The following FURIN variants were observed in gnomAD, a reference collection of about 807,000 sequenced individuals.
FURIN encodes FES upstream region.
FURIN carries 18 observed loss-of-function variants against 89.2 expected under a neutral mutation model. That is an observed-to-expected ratio of 0.20 (90% CI 0.14 to 0.30). The LOEUF (loss-of-function observed/expected upper bound fraction) is 0.30. Ranked by LOEUF, FURIN falls within the 10% of genes least tolerant of loss-of-function variation. FURIN has a pLI of 1.00. For synonymous variants in FURIN, 508 were observed against 466.4 expected (o/e 1.09, Z -1.15); for missense variants, 879 against 1,100.5 (o/e 0.80, Z 2.85).
At chr15:90,880,313 G>T (rs6224) in intron 13 of FURIN, 40 bp downstream of exon 13, 702,973 of 1,509,520 alleles carry the variant, frequency 0.47, 172,169 homozygotes, top group African/African-American at 0.82. Flanking sequence ...CAGCGCCGCC[G>T]CCTCTCACAG....
chr15:90,879,409 C>T (rs777028398), intron 9 of FURIN, 35 bp from the exon 10 acceptor site: 3 of 1,457,992 alleles, frequency 2.1e-6, no homozygotes, highest in African/African-American at 2.8e-5. Context: ...CCCCTCCACC[C>T]ATCACAGGCC....
In FURIN at chr15:90,875,766, GGGT is replaced by G; in HGVS notation, c.30_32del (p.Val11del). The G allele has an allele frequency of 6.4e-7, 1 of 1,553,454 alleles. No individual in the cohort carries two copies. On this transcript the variant is annotated inframe_deletion, in exon 2 of 16. Coordinates refer to ENST00000268171, the MANE Select transcript of FURIN (RefSeq NM_002569.4). ...ATGGAGCTGAGGCCCTGGTTGCTAT[GGGT>G]GGTAGCAGCAACAGGAACCTTGGTC...
At chr15:90,879,642 TC>T in intron 10 of FURIN, 28 bp from the exon 11 acceptor site, 1 of 1,595,170 alleles carries the variant, frequency 6.3e-7, no homozygotes, top group Non-Finnish European at 8.6e-7. Context: ...AAAAGACTGA[TC>T]CCCAGCCTCT....
Position 90,880,950 on chromosome 15 carries a change from C to T in FURIN, c.1702C>T (p.Leu568Phe), listed in dbSNP as rs2031928438. 1 of 1,614,008 alleles carries T rather than the reference C, an allele frequency of 6.2e-7. No individual in the cohort carries two copies. Among genetic ancestry groups the T allele is most frequent in the Non-Finnish European group, 8.5e-7 (1 of 1,179,896 alleles). ...AACAGGGACGCTGACCAAGTTCACC[C>T]TCGTACTCTATGGCACCGCCCCTGA... is the stretch of plus-strand genomic sequence containing the variant. ...NNYGTLTKFTLVLYGTAPEGL... is the reference protein window; with the variant it reads ...NNYGTLTKFTFVLYGTAPEGL... Residue 568 changes from leucine (L) to phenylalanine (F), a missense_variant, in exon 15 of 16, where the codon CTC becomes TTC. Physicochemically the swap from Leu to Phe is conservative, Grantham distance 22. Around this residue, in one of 5 missense-constraint regions of FURIN, gnomAD observed 457 missense variants for 490.7 expected, o/e 0.93. Transcript: ENST00000268171.
At position 90,877,141 on chromosome 15, in the gene FURIN, G is replaced by A. The variant is rs1319131949; in HGVS notation, c.508G>A (p.Gly170Arg). ...HPDLAGNYDP[G>R]ASFDVNDQDP... is the part of the protein sequence containing the mutation. ...GTGGCCAAATCCTTCTTAGGATCCTGGGGCCAGTTTTGATGTCAATGACCA... is the reference window on the plus strand; with the variant it reads ...GTGGCCAAATCCTTCTTAGGATCCTAGGGCCAGTTTTGATGTCAATGACCA... The change falls in exon 6 of 16, where the codon GGG becomes AGG. Residue 170 changes from glycine to arginine, a missense_variant. Gly to Arg is a moderately radical substitution (Grantham distance 125). This residue lies in a region of FURIN where 139 missense variants were observed against 215.0 expected (regional missense o/e 0.65). Coordinates refer to ENST00000268171, the MANE Select transcript of FURIN (RefSeq NM_002569.4). 5 of 1,611,288 alleles carry A rather than the reference G, an allele frequency of 3.1e-6. No homozygotes were observed. Among genetic ancestry groups the A allele is most frequent in the East Asian group, 2.2e-5 (1 of 44,854 alleles).
At chr15:90,870,960 A>T (rs906906382) in intron 1 of FURIN, among the ~76,000 whole-genome samples, 2 of 152,110 alleles carry the variant, frequency 1.3e-5, no homozygotes, top group African/African-American at 2.4e-5. Context: ...GTCTAAAAAG[A>T]AAAAAAAGCT....
chr15:90,875,224 G>A (rs1028719439), intron 1 of FURIN, among the ~76,000 whole-genome samples: 5 of 151,950 alleles, frequency 3.3e-5, no homozygotes, highest in African/African-American at 4.8e-5. Context: ...TAGTAGAGAC[G>A]AGGTTGCACC....
At position 90,875,854 on chromosome 15, in the gene FURIN, C is replaced by T. The variant is rs1322906441; in HGVS notation, c.114C>T (p.Ile38=). The T allele has an allele frequency of 6.3e-7, 1 of 1,583,310 alleles. No homozygotes were observed. The highest frequency in any genetic ancestry group is 1.2e-5 in the South Asian group (1 of 86,208). Residue 38 remains isoleucine, a synonymous_variant, in exon 2 of 16, where the codon ATC becomes ATT. Transcript: ENST00000268171. ...TCACCAACACGTGGGCTGTGCGCAT[C>T]CCTGGAGGCCCAGCGGTGGCCAACA... is the stretch of plus-strand genomic sequence containing the variant. The part of the protein sequence containing the change: ...KVFTNTWAVR[I]PGGPAVANSV...
Position 90,880,201 on chromosome 15 carries a change from A to G in FURIN, c.1484A>G (p.Tyr495Cys), listed in dbSNP as rs2031878332. Residue 495 changes from tyrosine (Y) to cysteine (C), a missense_variant, in exon 13 of 16, where the codon TAT (tyrosine) becomes TGT (cysteine). By Grantham distance (194) the Tyr-to-Cys change is radical. This residue lies in a region of FURIN where 457 missense variants were observed against 490.7 expected (regional missense o/e 0.93). Coordinates refer to ENST00000268171, the MANE Select transcript of FURIN (RefSeq NM_002569.4). ...EHAQARLTLS[Y>C]NRRGDLAIHL... ...GCTCAGGCGCGGCTCACCCTGTCCTATAATCGCCGTGGCGACCTGGCCATC... is the reference window on the plus strand; with the variant it reads ...GCTCAGGCGCGGCTCACCCTGTCCTGTAATCGCCGTGGCGACCTGGCCATC... 3.7e-6 allele frequency: 6 copies of G among 1,612,748 alleles called. No individual in the cohort carries two copies. Among genetic ancestry groups the G allele is most frequent in the African/African-American group, 2.7e-5 (2 of 75,056 alleles).
Position 90,875,801 on chromosome 15 carries a change from G to A in FURIN, c.61G>A (p.Ala21Thr). Residue 21 changes from alanine to threonine, a missense_variant, in exon 2 of 16, where the codon GCA (alanine) becomes ACA (threonine). By Grantham distance (58) the Ala-to-Thr change is moderately conservative. Around this residue, in one of 5 missense-constraint regions of FURIN, gnomAD observed 125 missense variants for 125.0 expected, o/e 1.00. Coordinates refer to ENST00000268171, the MANE Select transcript of FURIN (RefSeq NM_002569.4). Reference protein sequence around the residue: ...VAATGTLVLLAADAQGQKVFT... With the variant: ...VAATGTLVLLTADAQGQKVFT... ...AGCAACAGGAACCTTGGTCCTGCTA[G>A]CAGCTGATGCTCAGGGCCAGAAGGT... is the stretch of plus-strand genomic sequence containing the variant. 1 of 1,561,018 alleles carries A rather than the reference G, an allele frequency of 6.4e-7. No homozygotes were observed. The highest frequency in any genetic ancestry group is 8.7e-7 in the Non-Finnish European group (1 of 1,151,662).
intron 13 of FURIN, among the ~76,000 whole-genome samples, 157 bp from the exon 14 acceptor site, chr15:90,880,534 T>C (rs1246340122): frequency 6.6e-6 from 1 of 152,142 alleles, no homozygotes; most frequent in Non-Finnish European, 1.5e-5. Flanking sequence ...GTTGAGCACG[T>C]CTGGCTCACT....
chr15:90,878,313 G>A lies in FURIN; in HGVS notation c.840+9G>A. The A allele has an allele frequency of 6.3e-7, 1 of 1,582,590 alleles. No individual in the cohort carries two copies. The highest frequency in any genetic ancestry group is 2.2e-5 in the East Asian group (1 of 44,476). ...TCCGTGGGGTTAGCCAGGTGAGGTGGGGATCTGTCCAGCCCCTGCGGGCAG... is the reference window on the plus strand; with the variant it reads ...TCCGTGGGGTTAGCCAGGTGAGGTGAGGATCTGTCCAGCCCCTGCGGGCAG... On this transcript the variant is annotated intron_variant, in intron 8 of 15. Coordinates refer to ENST00000268171, the MANE Select transcript of FURIN (RefSeq NM_002569.4).
chr15:90,876,506 G>T lies in FURIN; in HGVS notation c.321G>T (p.Arg107=). 1 of 1,614,034 alleles carries T rather than the reference G, an allele frequency of 6.2e-7. No individual in the cohort carries two copies. The highest frequency in any genetic ancestry group is 1.7e-4 in the Middle Eastern group (1 of 6,060). The change falls in exon 4 of 16, where the codon CGG becomes CGT. Residue 107 remains arginine, a synonymous_variant. Transcript: ENST00000268171. This position sits in a 1 kb window ranked among gnomAD's most constrained non-coding sequence, Gnocchi z 5.0. ...EQQVAKRRTK[R]DVYQEPTDPK... is the part of the protein sequence containing the mutation. ...AGGTGGCAAAGCGACGGACTAAACGGGACGTGTACCAGGAGCCCACAGACC... is the reference window on the plus strand; with the variant it reads ...AGGTGGCAAAGCGACGGACTAAACGTGACGTGTACCAGGAGCCCACAGACC...
At chr15:90,870,178 T>C (rs544142336) in intron 1 of FURIN, among the ~76,000 whole-genome samples, 5 of 152,218 alleles carry the variant, frequency 3.3e-5, no homozygotes, top group African/African-American at 4.8e-5. Flanking sequence ...GAGGGGTAAA[T>C]TGAGGAAGTC....
In FURIN at chr15:90,877,501, TCATGCTA is replaced by T. The variant is rs1164890833; in HGVS notation, c.579-24_579-18del. The T allele has an allele frequency of 1.9e-5, 30 of 1,543,416 alleles. No individual in the cohort carries two copies. The Middle Eastern group carries it at 6.7e-4, about 35-fold the overall frequency. ...GCCCTGTTCACCCCATTTGTTCTAC[TCATGCTA>T]CGTGCTTGGCCCTGGCAGGCACGGC... is the stretch of plus-strand genomic sequence containing the variant. On this transcript the variant is annotated intron_variant, in intron 6 of 15. Coordinates refer to ENST00000268171, the MANE Select transcript of FURIN (RefSeq NM_002569.4).
intron 13 of FURIN, 119 bp from the exon 14 acceptor site, chr15:90,880,572 C>T (rs2031903829): frequency 7.9e-6 from 9 of 1,137,288 alleles, no homozygotes; most frequent in Admixed American, 2.6e-5. Context: ...GCAGGCACTT[C>T]TGGCCCCATG....
rs1380960843 is a variant in FURIN at position 90,879,846 on chromosome 15, C to T, written c.1259-21C>T. Reference sequence around the variant, plus strand: ...GGCACTCTGTGCCTGACAGCTGACCCTACCTTCCCTGTCCCCACAGTGAGC... The same window carrying T: ...GGCACTCTGTGCCTGACAGCTGACCTTACCTTCCCTGTCCCCACAGTGAGC... On this transcript the variant is annotated intron_variant, in intron 11 of 15. Transcript: ENST00000268171. 8 of 1,609,724 alleles carry T rather than the reference C, an allele frequency of 5.0e-6. No homozygotes were observed. The Admixed American group carries it at 1.0e-4, about 20-fold the overall frequency.
intron 1 of FURIN, among the ~76,000 whole-genome samples, chr15:90,875,025 T>G (rs1203074511): frequency 2.0e-5 from 3 of 147,824 alleles, no homozygotes; most frequent in Admixed American, 6.8e-5. Flanking sequence ...CTTCTTCTGT[T>G]ACACTTTTTT....
chr15:90,881,605 G>A lies in FURIN; in HGVS notation c.2112G>A (p.Leu704=), dbSNP rs2031978894. 2.5e-6 allele frequency: 4 copies of A among 1,603,608 alleles called. No individual in the cohort carries two copies. The African/African-American group carries it at 4.0e-5, about 16-fold the overall frequency. The change falls in exon 16 of 16, where the codon CTG becomes CTA. Residue 704 remains leucine (L), a synonymous_variant. Transcript: ENST00000268171. This position sits in a 1 kb window ranked among gnomAD's most constrained non-coding sequence, Gnocchi z 4.3. ...CGGAGGTGGAGGCGGGGCAACGGCT[G>A]CGGGCAGGGCTGCTGCCCTCACACC... ...LPPEVEAGQR[L]RAGLLPSHLP... is the part of the protein sequence containing the mutation.
Sources: gnomAD v4.1 joint callset for allele counts (sites outside exome capture counted in the v4.1 genomes callset) on GRCh38, gnomAD v4.1.1 for gene constraint, gnomAD v4.1.1 regional missense constraint, Gnocchi (gnomAD v3.1) non-coding constraint, MANE v1.5 for transcripts, NCBI Gene and HGNC (gene_info 2026-07-23, HGNC 2026-07-21) for gene names.